Variants in DLGAP2 observed in about 807,000 individuals in gnomAD.
DLGAP2 encodes disks large-associated protein 2.
In DLGAP2, 26 loss-of-function variants were observed where a neutral mutation model predicts 100.3. The observed-to-expected ratio is 0.26, with a 90% confidence interval of 0.19 to 0.36. DLGAP2 has a LOEUF of 0.36. DLGAP2 is among the 10% of genes least tolerant of loss of function. The pLI, the probability that DLGAP2 is intolerant of heterozygous loss-of-function variation, is 1.00. For synonymous variants in DLGAP2, 886 were observed against 630.1 expected (o/e 1.41, Z -6.08); for missense variants, 1,858 against 1,453.2 (o/e 1.28, Z -4.53).
At chr8:916,398 A>T (rs552246625) in intron 2 of DLGAP2, among the ~76,000 whole-genome samples, 1 of 152,328 alleles carries the variant, frequency 6.6e-6, no homozygotes, top group East Asian at 1.9e-4. Context: ...GAAGCTGGAA[A>T]CCATCATTCT....
chr8:1,660,827 T>G (rs1798393088), intron 8 of DLGAP2, among the ~76,000 whole-genome samples: 1 of 152,234 alleles, frequency 6.6e-6, no homozygotes, highest in Middle Eastern at 3.2e-3. Flanking sequence ...CCTTGGTCCT[T>G]TAGCTAAATG....
At chr8:1,323,707 G>A (rs1264752485) in intron 3 of DLGAP2, among the ~76,000 whole-genome samples, 1 of 152,210 alleles carries the variant, frequency 6.6e-6, no homozygotes, top group Non-Finnish European at 1.5e-5. Flanking sequence ...AAACTTGCCA[G>A]GTGAGACAGG....
intron 2 of DLGAP2, among the ~76,000 whole-genome samples, chr8:1,040,860 A>T (rs1013039896): frequency 7.2e-5 from 11 of 151,980 alleles, no homozygotes; most frequent in Non-Finnish European, 1.6e-4. Context: ...CTCCGAGGTG[A>T]GCTCTTATTC....
intron 3 of DLGAP2, among the ~76,000 whole-genome samples, chr8:1,285,223 A>G (rs976460343): frequency 3.9e-5 from 6 of 152,238 alleles, no homozygotes; most frequent in Admixed American, 1.3e-4. Context: ...GACTGAGAAT[A>G]TAAGTAGATG....
intron 1 of DLGAP2, among the ~76,000 whole-genome samples, chr8:793,568 T>C (rs1795965034): frequency 1.3e-5 from 2 of 152,350 alleles, no homozygotes; most frequent in Middle Eastern, 3.4e-3. Context: ...TTTCTTCTAT[T>C]ATTTCTTTCT....
intron 2 of DLGAP2, among the ~76,000 whole-genome samples, chr8:1,193,091 C>G (rs7825502): frequency 0.28 from 42,220 of 151,824 alleles, 6,650 homozygotes; most frequent in Middle Eastern, 0.43. Flanking sequence ...ATTTGGGTTG[C>G]TTCCAAGTCT....
At chr8:1,137,480 C>G (rs1439965057) in intron 2 of DLGAP2, 1 of 152,456 alleles carries the variant, frequency 6.6e-6, no homozygotes, top group Non-Finnish European at 1.5e-5. Flanking sequence ...TGAGCCTCAC[C>G]TGAAGCCGGC....
intron 6 of DLGAP2, among the ~76,000 whole-genome samples, chr8:1,571,630 G>A (rs1239194247): frequency 8.2e-6 from 1 of 122,192 alleles, no homozygotes; most frequent in Non-Finnish European, 1.7e-5. Flanking sequence ...GAGAGGGGGT[G>A]AACTATGGGG....
At position 1,562,002 on chromosome 8, in the gene DLGAP2, C is replaced by T. The variant is rs1245714207; in HGVS notation, c.1231-3681C>T. ...GCGGGACTGTGTGGTGTTGGGGTGT[C>T]GGCGCCTCGTTACTGGGGGACTGTG... On this transcript the variant is annotated intron_variant, in intron 5 of 14. Coordinates refer to ENST00000637795, the MANE Select transcript of DLGAP2 (RefSeq NM_001346810.2). 1.8e-4 allele frequency among the ~76,000 whole-genome samples: 10 copies of T among 56,112 alleles called. 2 individuals are homozygous for T. The highest frequency in any genetic ancestry group is 9.9e-4 in the Admixed American group (4 of 4,028). 36.8% of individuals were successfully genotyped at this position (56,112 alleles called of 152,430 possible). A position where few individuals can be genotyped will look rare whatever the true frequency, so the allele number is the denominator to read the frequency against.
At chr8:1,240,172 T>C (rs1446611881) in intron 2 of DLGAP2, among the ~76,000 whole-genome samples, 1 of 143,534 alleles carries the variant, frequency 7.0e-6, no homozygotes, top group African/African-American at 2.6e-5. Context: ...TCATGTCTAG[T>C]TCTCTCTCAC....
chr8:1,059,913 T>C (rs1379470486), intron 2 of DLGAP2, among the ~76,000 whole-genome samples: 3 of 152,054 alleles, frequency 2.0e-5, no homozygotes, highest in Non-Finnish European at 2.9e-5. Context: ...CCCGGGGGCA[T>C]GGATCGGGGG....
intron 3 of DLGAP2, among the ~76,000 whole-genome samples, chr8:1,316,629 G>T: frequency 7.0e-6 from 1 of 142,922 alleles, no homozygotes; most frequent in Non-Finnish European, 1.5e-5. Context: ...GTGTGCGAGT[G>T]CAGCGTCTCT....
intron 6 of DLGAP2, among the ~76,000 whole-genome samples, chr8:1,588,825 A>G (rs1190372700): frequency 6.6e-6 from 1 of 151,122 alleles, no homozygotes; most frequent in Middle Eastern, 3.2e-3. Context: ...AGAAGGCTGG[A>G]GCAGGAGAAT....
chr8:1,595,923 C>CTTTT (rs1452192792), intron 6 of DLGAP2, among the ~76,000 whole-genome samples: 1 of 151,090 alleles, frequency 6.6e-6, no homozygotes, highest in East Asian at 1.9e-4. Context: ...GCACAACGGG[C>CTTTT]AGGTTTGTTA....
chr8:1,174,053 A>G (rs79317830), intron 2 of DLGAP2, among the ~76,000 whole-genome samples: 4,770 of 152,256 alleles, frequency 0.031, 115 homozygotes, highest in Non-Finnish European at 0.049. Flanking sequence ...TTCATGACAC[A>G]GCTATGCCTG....
intron 8 of DLGAP2, among the ~76,000 whole-genome samples, chr8:1,665,193 G>T (rs971949509): frequency 1.3e-5 from 2 of 152,004 alleles, no homozygotes; most frequent in Non-Finnish European, 2.9e-5. Flanking sequence ...AAGAAGGAAG[G>T]TTTACTTGTT....
intron 10 of DLGAP2, among the ~76,000 whole-genome samples, chr8:1,673,583 A>AT (rs887507640): frequency 6.6e-6 from 1 of 152,176 alleles, no homozygotes; most frequent in African/African-American, 2.4e-5. Flanking sequence ...ACATACCACT[A>AT]TTCACGTGAC....
At position 1,690,952 on chromosome 8, in the gene DLGAP2, G is replaced by C. The variant is rs192709338; in HGVS notation, c.2705-583G>C. Among the ~76,000 whole-genome samples, 1,161 of 152,130 alleles carry C rather than the reference G, an allele frequency of 7.6e-3. 21 individuals are homozygous for C. The highest frequency in any genetic ancestry group is 0.026 in the African/African-American group (1,089 of 41,476). Reference sequence around the variant, plus strand: ...CAGGAGGGAAGCCACATCTTCCTACGTGCTACGACCTTCCTGTGAGGCCTC... The same window carrying C: ...CAGGAGGGAAGCCACATCTTCCTACCTGCTACGACCTTCCTGTGAGGCCTC... On this transcript the variant is annotated intron_variant, in intron 12 of 14. Coordinates refer to ENST00000637795, the MANE Select transcript of DLGAP2 (RefSeq NM_001346810.2).
chr8:783,883 T>G (rs1307515883), intron 1 of DLGAP2, among the ~76,000 whole-genome samples: 2 of 152,206 alleles, frequency 1.3e-5, no homozygotes, highest in African/African-American at 4.8e-5. Flanking sequence ...AGTTTCCCAT[T>G]TCTTGCTTTC....
Sources: gnomAD v4.1 joint callset for allele counts (sites outside exome capture counted in the v4.1 genomes callset) on GRCh38, gnomAD v4.1.1 for gene constraint, MANE v1.5 for transcripts, NCBI Gene and HGNC (gene_info 2026-07-23, HGNC 2026-07-21) for gene names.